Variants in SLC13A5 observed in about 807,000 individuals in gnomAD.
SLC13A5 encodes the protein Na(+)/citrate cotransporter.
A neutral mutation model predicts 56.5 loss-of-function variants in SLC13A5; 25 were observed. The ratio of observed to expected loss-of-function variants is 0.44; its 90% CI spans 0.32 to 0.62. The LOEUF (loss-of-function observed/expected upper bound fraction) is 0.62, where lower values mean the gene tolerates loss of function less well. SLC13A5 is among the 20% of genes least tolerant of loss of function. The pLI, the probability that SLC13A5 is intolerant of heterozygous loss-of-function variation, is 0.04. For synonymous variants in SLC13A5, 307 were observed against 301.5 expected (o/e 1.02, Z -0.19); for missense variants, 649 against 737.8 (o/e 0.88, Z 1.39).
Position 6,706,675 on chromosome 17 carries a change from C to A in SLC13A5, c.335G>T (p.Arg112Leu). The A allele has an allele frequency of 1.9e-6, 3 of 1,613,788 alleles. No individual in the cohort carries two copies. Among genetic ancestry groups the A allele is most frequent in the Non-Finnish European group, 2.5e-6 (3 of 1,179,930 alleles). Reference sequence around the variant, plus strand: ...CTTGGCCCCCACCCAGAGGAGCGTGCGCAGGGCGATCCTCTTGTGCAGGTT... The same window carrying A: ...CTTGGCCCCCACCCAGAGGAGCGTGAGCAGGGCGATCCTCTTGTGCAGGTT... ...RWNLHKRIAL[R>L]TLLWVGAKPA... The change falls in exon 3 of 12, where the codon CGC (arginine) becomes CTC (leucine). Residue 112 changes from arginine (R) to leucine (L), a missense_variant. By Grantham distance (102) the Arg-to-Leu change is moderately radical. Coordinates refer to ENST00000433363, the MANE Select transcript of SLC13A5 (RefSeq NM_177550.5).
chr17:6,686,003 T>C lies in SLC13A5; in HGVS notation c.*204A>G, dbSNP rs1973235406. 1.4e-6 allele frequency: 1 copy of C among 707,666 alleles called. No individual in the cohort carries two copies. Among genetic ancestry groups the C allele is most frequent in the Non-Finnish European group, 2.4e-6 (1 of 424,954 alleles). The allele number at this position is 707,666 out of a possible 1,614,324, so 43.8% of individuals were successfully genotyped here. ...CAGCCCACTGAGGGGTTCCCTTCAT[T>C]TCTGAGCCTACCCTCCAGCTGCCCA... On this transcript the variant is annotated 3_prime_UTR_variant, in exon 12 of 12. Coordinates refer to ENST00000433363, the MANE Select transcript of SLC13A5 (RefSeq NM_177550.5).
chr17:6,693,332 A>T (rs1973468314), intron 8 of SLC13A5, 170 bp from the exon 9 acceptor site: 1 of 571,990 alleles, frequency 1.7e-6, no homozygotes, highest in Non-Finnish European at 3.1e-6. Flanking sequence ...TAAAGTTTAC[A>T]ATAATATATA....
At chr17:6,697,438 T>C (rs1406950055) in intron 6 of SLC13A5, among the ~76,000 whole-genome samples, 1 of 152,192 alleles carries the variant, frequency 6.6e-6, no homozygotes, top group Admixed American at 6.5e-5. Context: ...CTTCAGAGTC[T>C]CTCGTGCTGA....
chr17:6,707,210 C>T (rs1313202775), intron 1 of SLC13A5, 54 bp from the exon 2 acceptor site: 4 of 1,603,952 alleles, frequency 2.5e-6, no homozygotes, highest in Non-Finnish European at 3.4e-6. Context: ...CTCCCCACCC[C>T]CAGAACACTC....
chr17:6,703,877 C>G lies in SLC13A5; in HGVS notation c.547+1G>C. On this transcript the variant is annotated splice_donor_variant, in intron 4 of 11. Transcript: ENST00000433363. LOFTEE classifies it high-confidence loss of function. ...TGGCAGTGCCCTGGCCAGGGGCTCA[C>G]CTGGCAGCTCCTTGGCCTTGCCCTT... 6.5e-7 allele frequency: 1 copy of G among 1,536,508 alleles called. No individual in the cohort carries two copies. The highest frequency in any genetic ancestry group is 8.8e-7 in the Non-Finnish European group (1 of 1,140,992).
At chr17:6,691,674 C>A (rs1358597971) in intron 9 of SLC13A5, among the ~76,000 whole-genome samples, 1 of 152,178 alleles carries the variant, frequency 6.6e-6, no homozygotes, top group Admixed American at 6.5e-5. Context: ...GAGAGAATGT[C>A]CACAGAGTCC....
At position 6,713,343 on chromosome 17, in the gene SLC13A5, G is replaced by A; in HGVS notation, c.-10C>T. The A allele has an allele frequency of 6.2e-7, 1 of 1,613,016 alleles. No homozygotes were observed. The highest frequency in any genetic ancestry group is 8.5e-7 in the Non-Finnish European group (1 of 1,179,398). On this transcript the variant is annotated 5_prime_UTR_variant, in exon 1 of 12. Transcript: ENST00000433363. The surrounding 1 kb of genome is among the most constrained non-coding windows in gnomAD (Gnocchi z 7.3). ...TCAGCGCCGAGGCCATCGCGCGGGA[G>A]GGAGACTGGCGGGCGAGACGAGTGA...
At chr17:6,705,936 C>T (rs569450033) in intron 3 of SLC13A5, among the ~76,000 whole-genome samples, 2 of 152,200 alleles carry the variant, frequency 1.3e-5, no homozygotes, top group African/African-American at 2.4e-5. Context: ...CCTCCAATCC[C>T]TCATCCACAG....
rs1229176247 is a variant in SLC13A5 at position 6,686,219 on chromosome 17, A to G, written c.1695T>C (p.His565=). ...DHFPDWANVT[H]IET is the part of the protein sequence containing the mutation. ...CTTGTGGCTCTTCCTAAGTCTCAAT[A>G]TGTGTCACATTAGCCCAGTCAGGGA... Residue 565 remains histidine (H), a synonymous_variant, in exon 12 of 12, where the codon CAT becomes CAC. Coordinates refer to ENST00000433363, the MANE Select transcript of SLC13A5 (RefSeq NM_177550.5). The G allele has an allele frequency of 1.2e-6, 2 of 1,613,914 alleles. No homozygotes were observed. The highest frequency in any genetic ancestry group is 1.7e-6 in the Non-Finnish European group (2 of 1,180,028).
At chr17:6,707,279 C>G (rs913148204) in intron 1 of SLC13A5, 123 bp from the exon 2 acceptor site, 2 of 1,303,994 alleles carry the variant, frequency 1.5e-6, no homozygotes, top group Non-Finnish European at 2.1e-6. Flanking sequence ...GGATTCCCCT[C>G]AAAGTCATCT....
In SLC13A5 at chr17:6,686,183, G is replaced by A. The variant is rs762034132; in HGVS notation, c.*24C>T. On this transcript the variant is annotated 3_prime_UTR_variant, in exon 12 of 12. Coordinates refer to ENST00000433363, the MANE Select transcript of SLC13A5 (RefSeq NM_177550.5). ...GGTAGTCCTGAGGAGGGTAAGGGCT[G>A]TGTGTGTGGTCTTGTGGCTCTTCCT... 1.7e-5 allele frequency: 27 copies of A among 1,613,526 alleles called. No individual in the cohort carries two copies. In the African/African-American group the frequency reaches 2.3e-4, roughly 14 times the overall value.
intron 1 of SLC13A5, among the ~76,000 whole-genome samples, chr17:6,709,258 T>A (rs1973954322): frequency 6.6e-6 from 1 of 151,352 alleles, no homozygotes; most frequent in Non-Finnish European, 1.5e-5. Flanking sequence ...TTTATTTATT[T>A]ATTTATTTAT....
At chr17:6,709,143 T>C (rs1244949768) in intron 1 of SLC13A5, among the ~76,000 whole-genome samples, 1 of 152,002 alleles carries the variant, frequency 6.6e-6, no homozygotes, top group East Asian at 1.9e-4. Flanking sequence ...TGAAATGATA[T>C]TGAATGAATC....
intron 6 of SLC13A5, among the ~76,000 whole-genome samples, chr17:6,699,751 G>A (rs771547121): frequency 8.6e-5 from 13 of 151,870 alleles, no homozygotes; most frequent in Admixed American, 2.6e-4. Flanking sequence ...GATTTCAGGC[G>A]TGGGCTACCA....
intron 1 of SLC13A5, among the ~76,000 whole-genome samples, chr17:6,707,559 G>T (rs148501410): frequency 1.3e-5 from 2 of 152,146 alleles, no homozygotes; most frequent in African/African-American, 4.8e-5. Context: ...GGATGGAGAA[G>T]GAAGAAAAGA....
intron 10 of SLC13A5, chr17:6,690,191 C>T (rs1209743912): frequency 6.4e-6 from 1 of 155,394 alleles, no homozygotes; most frequent in African/African-American, 2.4e-5. Context: ...GCCTGGCACT[C>T]AGCAGCTTTT....
chr17:6,707,573 G>A (rs887536783), intron 1 of SLC13A5, among the ~76,000 whole-genome samples: 2 of 152,182 alleles, frequency 1.3e-5, no homozygotes, highest in African/African-American at 4.8e-5. Flanking sequence ...GAAAAGAAAG[G>A]AGGAAGAGGA....
chr17:6,690,352 C>G (rs979197710), intron 10 of SLC13A5, among the ~76,000 whole-genome samples: 1 of 152,118 alleles, frequency 6.6e-6, no homozygotes, highest in African/African-American at 2.4e-5. Context: ...TTCCTACCTA[C>G]TCCCAAGTCC....
At position 6,701,119 on chromosome 17, in the gene SLC13A5, G is replaced by T; in HGVS notation, c.724C>A (p.Pro242Thr). ...AAGTTCACGAGGTCCTTGCTGTCAG[G>T]AAACAACCTACAAGAAGACACCGGC... ...VLLGQMNELFPDSKDLVNFAS... is the reference protein window; with the variant it reads ...VLLGQMNELFTDSKDLVNFAS... Residue 242 changes from proline to threonine, a missense_variant, in exon 6 of 12, where the codon CCT becomes ACT. Coordinates refer to ENST00000433363, the MANE Select transcript of SLC13A5 (RefSeq NM_177550.5). This position sits in a 1 kb window ranked among gnomAD's most constrained non-coding sequence, Gnocchi z 4.1. The T allele has an allele frequency of 1.9e-6, 3 of 1,614,048 alleles. No homozygotes were observed. Among genetic ancestry groups the T allele is most frequent in the Non-Finnish European group, 2.5e-6 (3 of 1,179,956 alleles).
Sources: allele counts gnomAD v4.1 joint callset (sites outside exome capture counted in the v4.1 genomes callset), GRCh38; gene constraint gnomAD v4.1.1; non-coding constraint Gnocchi (gnomAD v3.1); transcripts MANE v1.5; gene names NCBI Gene and HGNC (gene_info 2026-07-23, HGNC 2026-07-21).